PARP14: variants seen among roughly 807,000 people sequenced by gnomAD.
PARP14 encodes poly(ADP-ribose) polymerase family member 14, also known as protein mono-ADP-ribosyltransferase PARP14.
PARP14 carries 59 observed loss-of-function variants against 154.2 expected under a neutral mutation model. That is an observed-to-expected ratio of 0.38 (90% CI 0.31 to 0.48). The LOEUF is 0.48. PARP14 is among the 20% of genes least tolerant of loss of function. The pLI is 0.98. For synonymous variants in PARP14, 720 were observed against 780.5 expected, an observed-to-expected ratio of 0.92 and a Z score of 1.29; for missense variants, 1,734 against 2,131.6, an observed-to-expected ratio of 0.81 and a Z score of 3.67.
intron 14 of PARP14, among the ~76,000 whole-genome samples, chr3:122,719,757 C>A (rs1219250891): frequency 6.6e-6 from 1 of 152,130 alleles, no homozygotes; most frequent in Non-Finnish European, 1.5e-5. Flanking sequence ...GCAAAATCTG[C>A]CACCTAACTG....
chr3:122,703,011 CAAAAAAA>C (rs1185336732), intron 6 of PARP14, among the ~76,000 whole-genome samples: 7 of 67,380 alleles, frequency 1.0e-4, no homozygotes, highest in Non-Finnish European at 2.0e-4. Context: ...AAAAAAAAAA[CAAAAAAA>C]AAAAACAAAA....
Position 122,681,163 on chromosome 3 carries a change from C to G in PARP14, c.187+93C>G. ...GGCACGCACGGGAGGGTGACCCGCC[C>G]GACTTCGGCGGCTGCTGTAGCGGAG... On this transcript the variant is annotated intron_variant, in intron 1 of 16. Coordinates refer to ENST00000474629, the MANE Select transcript of PARP14 (RefSeq NM_017554.3). The surrounding 1 kb of genome is among the most constrained non-coding windows in gnomAD (Gnocchi z 5.5). 1 of 615,920 alleles carries G rather than the reference C, an allele frequency of 1.6e-6. No homozygotes were observed. The highest frequency in any genetic ancestry group is 2.5e-6 in the Non-Finnish European group (1 of 396,280). 38.2% of individuals were successfully genotyped at this position (615,920 alleles called of 1,614,324 possible).
chr3:122,702,728 ATGT>A (rs148329768), intron 6 of PARP14, among the ~76,000 whole-genome samples: 7,691 of 152,248 alleles, frequency 0.051, 264 homozygotes, highest in Middle Eastern at 0.11. Flanking sequence ...GTTAAAAATA[ATGT>A]TGTGTCTCAT....
Position 122,682,454 on chromosome 3 carries a change from G to A in PARP14, c.187+1384G>A, listed in dbSNP as rs1398881656. The stretch of plus-strand genomic sequence containing the variant: ...GTGGGTGGGAAGCGTGTATTTAACC[G>A]GCAGCCCAGGTGACCCTAATGTGTT... On this transcript the variant is annotated intron_variant, in intron 1 of 16. Transcript: ENST00000474629. Among the ~76,000 whole-genome samples the A allele has an allele frequency of 2.0e-5, 3 of 152,134 alleles. No individual in the cohort carries two copies. In the East Asian group the frequency reaches 5.8e-4, roughly 29 times the overall value.
In PARP14 at chr3:122,697,858, T is replaced by C. The variant is rs368664776; in HGVS notation, c.836-1532T>C. On this transcript the variant is annotated intron_variant, in intron 5 of 16. Transcript: ENST00000474629. Reference sequence around the variant, plus strand: ...AAAGCAGGATGGAGACTTTAAGGCATATTAAGGTGACATCTGTGATGGTTC... The same window carrying C: ...AAAGCAGGATGGAGACTTTAAGGCACATTAAGGTGACATCTGTGATGGTTC... 7.9e-5 allele frequency among the ~76,000 whole-genome samples: 12 copies of C among 152,326 alleles called. 2 individuals carry two copies. The highest frequency in any genetic ancestry group is 6.5e-5 in the Admixed American group (1 of 15,298).
chr3:122,707,142 G>A (rs191752024), intron 8 of PARP14, among the ~76,000 whole-genome samples: 76 of 152,082 alleles, frequency 5.0e-4, no homozygotes, highest in African/African-American at 1.5e-3. Flanking sequence ...GGATTGGCTC[G>A]GAGCGGTGGC....
At chr3:122,727,225 G>A (rs1414916230) in intron 15 of PARP14, among the ~76,000 whole-genome samples, 2 of 152,122 alleles carry the variant, frequency 1.3e-5, no homozygotes, top group East Asian at 3.9e-4. Context: ...TGCAACCCAG[G>A]ACCCAAGCAG....
chr3:122,716,029 T>C (rs998836179), intron 12 of PARP14, among the ~76,000 whole-genome samples: 1 of 152,226 alleles, frequency 6.6e-6, no homozygotes, highest in Non-Finnish European at 1.5e-5. Context: ...TTGCATGTCC[T>C]CTTTACCTAT....
At chr3:122,719,767 G>A (rs1272052508) in intron 14 of PARP14, among the ~76,000 whole-genome samples, 2 of 152,150 alleles carry the variant, frequency 1.3e-5, no homozygotes, top group African/African-American at 4.8e-5. Context: ...CCACCTAACT[G>A]CCTCTTAAAG....
At chr3:122,691,747 G>A (rs973908127) in intron 3 of PARP14, among the ~76,000 whole-genome samples, 8 of 152,106 alleles carry the variant, frequency 5.3e-5, no homozygotes, top group African/African-American at 1.4e-4. Context: ...ATTTTAGTCT[G>A]GTGCTGTGCT....
rs755710640 is a variant in PARP14 at position 122,727,944 on chromosome 3, G to A, written c.5074G>A (p.Val1692Ile). Residue 1692 changes from valine (V) to isoleucine (I), a missense_variant, in exon 16 of 17, where the codon GTC (valine) becomes ATC (isoleucine). Physicochemically the swap from Val to Ile is conservative, Grantham distance 29. Coordinates refer to ENST00000474629, the MANE Select transcript of PARP14 (RefSeq NM_017554.3). ...GACAGATGCCGGCTCCGTGCCACAC[G>A]TCAATCGAAATGGCTTTAACCGCAG... ...HGTDAGSVPH[V>I]NRNGFNRSYA... The A allele has an allele frequency of 2.5e-6, 4 of 1,613,516 alleles. No individual in the cohort carries two copies. Among genetic ancestry groups the A allele is most frequent in the Non-Finnish European group, 3.4e-6 (4 of 1,179,658 alleles).
rs775659367 is a variant in PARP14, at chr3:122,700,754, G to A, written c.2200G>A (p.Val734Ile). ...VLKAVDIVKQ[V>I]WDSVCVKSVH... ...GAAGGCAGTGGACATTGTCAAGCAA[G>A]TCTGGGATTCAGTCTGTGTTAAAAG... The change falls in exon 6 of 17, where the codon GTC becomes ATC. Residue 734 changes from valine to isoleucine, a missense_variant. Coordinates refer to ENST00000474629, the MANE Select transcript of PARP14 (RefSeq NM_017554.3). 12 of 1,613,546 alleles carry A rather than the reference G, an allele frequency of 7.4e-6. No individual in the cohort carries two copies. In the South Asian group the frequency reaches 1.3e-4, roughly 18 times the overall value.
At chr3:122,720,471 T>A in intron 15 of PARP14, 83 bp downstream of exon 15, 1 of 1,286,832 alleles carries the variant, frequency 7.8e-7, no homozygotes, top group Non-Finnish European at 1.1e-6. Context: ...TTTCATTCAC[T>A]TCCTATCACA....
At chr3:122,686,929 A>T (rs1938392665) in intron 2 of PARP14, 151 bp from the exon 3 acceptor site, 1 of 569,768 alleles carries the variant, frequency 1.8e-6, no homozygotes, top group East Asian at 2.9e-5. Flanking sequence ...GCCACTATAT[A>T]TGGCCCCAGA....
intron 12 of PARP14, among the ~76,000 whole-genome samples, chr3:122,715,595 CATCTATCTATCT>C (rs56863397): frequency 0.03 from 4,206 of 142,556 alleles, 113 homozygotes; most frequent in African/African-American, 0.078. Flanking sequence ...CTCTACCAGT[CATCTATCTATCT>C]ATCTATCTAT....
At position 122,718,083 on chromosome 3, in the gene PARP14, A is replaced by C; in HGVS notation, c.4013A>C (p.Gln1338Pro). ...TTTGCTTTTCCAGGAAATGCCAAACAACACCCAGATAAGGTTGCTGAAGCC... is the reference window on the plus strand; with the variant it reads ...TTTGCTTTTCCAGGAAATGCCAAACCACACCCAGATAAGGTTGCTGAAGCC... ...LPAIGTGNAK[Q>P]HPDKVAEAII... The change falls in exon 13 of 17, where the codon CAA (glutamine) becomes CCA (proline). Residue 1338 changes from glutamine to proline, a missense_variant. Around this residue, in one of 2 missense-constraint regions of PARP14, gnomAD observed 1,646 missense variants for 1,976.0 expected, o/e 0.83. Coordinates refer to ENST00000474629, the MANE Select transcript of PARP14 (RefSeq NM_017554.3). 6.2e-7 allele frequency: 1 copy of C among 1,613,764 alleles called. No homozygotes were observed. Among genetic ancestry groups the C allele is most frequent in the Non-Finnish European group, 8.5e-7 (1 of 1,179,722 alleles).
At chr3:122,686,954 C>A (rs1447635563) in intron 2 of PARP14, 126 bp from the exon 3 acceptor site, 3 of 666,752 alleles carry the variant, frequency 4.5e-6, no homozygotes, top group South Asian at 1.8e-5. Flanking sequence ...TTCAAGAGCA[C>A]CCTTATCAGA....
chr3:122,708,279 G>T lies in PARP14; in HGVS notation c.3619+11G>T. ...CTAAAGATACACAAGGTTCAGTAAAGCTTCTAAATTGAGAAGTGATTTCTA... is the reference window on the plus strand; with the variant it reads ...CTAAAGATACACAAGGTTCAGTAAATCTTCTAAATTGAGAAGTGATTTCTA... On this transcript the variant is annotated intron_variant, in intron 9 of 16. Transcript: ENST00000474629. 6.8e-7 allele frequency: 1 copy of T among 1,468,026 alleles called. No homozygotes were observed. Among genetic ancestry groups the T allele is most frequent in the Non-Finnish European group, 9.4e-7 (1 of 1,067,050 alleles). 90.9% of individuals were successfully genotyped at this position (1,468,026 alleles called of 1,614,324 possible).
Position 122,718,388 on chromosome 3 carries a change from CA to C in PARP14, c.4244del (p.Lys1415ArgfsTer35), listed in dbSNP as rs1205949740. The C allele has an allele frequency of 1.2e-6, 2 of 1,611,632 alleles. No homozygotes were observed. Among genetic ancestry groups the C allele is most frequent in the Non-Finnish European group, 1.7e-6 (2 of 1,179,334 alleles). On this transcript the variant is annotated frameshift_variant, in exon 14 of 17. Transcript: ENST00000474629. LOFTEE classifies it high-confidence loss of function. ...TTTGGGCTTTTCAAAGCAATCTCCC[CA>C]AAAAAAGAATCATTTGGTTTTGGAA... is the stretch of plus-strand genomic sequence containing the variant. ...SFLGFSKQSP[Q>X]KKNHLVLEKK...
Sources: gnomAD v4.1 joint callset for allele counts (sites outside exome capture counted in the v4.1 genomes callset) on GRCh38, gnomAD v4.1.1 for gene constraint, gnomAD v4.1.1 regional missense constraint, Gnocchi (gnomAD v3.1) non-coding constraint, MANE v1.5 for transcripts, NCBI Gene and HGNC (gene_info 2026-07-23, HGNC 2026-07-21) for gene names.